The following LRFN2 variants were observed in gnomAD, a reference collection of about 807,000 sequenced individuals.
The protein encoded by LRFN2 is leucine-rich repeat and fibronectin type-III domain-containing protein 2.
Under a neutral mutation model 37.3 loss-of-function variants are expected in LRFN2, and 18 were observed. The observed-to-expected ratio is 0.48, with a 90% confidence interval of 0.33 to 0.72. The LOEUF (loss-of-function observed/expected upper bound fraction) is 0.72, where lower values mean the gene tolerates loss of function less well. Among genes scored for constraint, LRFN2 ranks in the 30% least tolerant of loss-of-function variants. The pLI, the probability that LRFN2 is intolerant of heterozygous loss-of-function variation, is 0.02. For missense variants in LRFN2, 1,006 were observed against 1,060.7 expected, an observed-to-expected ratio of 0.95 and a Z score of 0.72; for synonymous variants, 556 against 466.6, an observed-to-expected ratio of 1.19 and a Z score of -2.47.
chr6:40,421,151 T>C (rs1261296321), intron 2 of LRFN2, among the ~76,000 whole-genome samples: 2 of 152,222 alleles, frequency 1.3e-5, no homozygotes, highest in Non-Finnish European at 2.9e-5. Context: ...TTAAGAATAA[T>C]GCAATTGACC....
chr6:40,393,945 C>A (rs1437148887), intron 2 of LRFN2, among the ~76,000 whole-genome samples: 1 of 152,094 alleles, frequency 6.6e-6, no homozygotes, highest in African/African-American at 2.4e-5. Flanking sequence ...AGGGGGCCTG[C>A]TGCTTAGGGG....
At chr6:40,496,967 G>A (rs775115364) in intron 1 of LRFN2, among the ~76,000 whole-genome samples, 11 of 152,010 alleles carry the variant, frequency 7.2e-5, no homozygotes, top group Non-Finnish European at 1.5e-5. Flanking sequence ...ATAATGTAAG[G>A]GTTCTCATAC....
chr6:40,553,230 A>C (rs1561905311), intron 1 of LRFN2, among the ~76,000 whole-genome samples: 3 of 152,228 alleles, frequency 2.0e-5, no homozygotes, highest in Admixed American at 6.5e-5. Context: ...CTGACTCTTT[A>C]AGGAAACTTG....
intron 1 of LRFN2, among the ~76,000 whole-genome samples, chr6:40,564,868 C>A (rs1767061019): frequency 6.6e-6 from 1 of 152,076 alleles, no homozygotes; most frequent in Non-Finnish European, 1.5e-5. Flanking sequence ...TATCCTCCAA[C>A]CCCAAAATCC....
intron 1 of LRFN2, among the ~76,000 whole-genome samples, chr6:40,455,908 G>A (rs1292376386): frequency 2.0e-5 from 3 of 152,218 alleles, no homozygotes; most frequent in Admixed American, 6.5e-5. Flanking sequence ...TGAGCCCACA[G>A]AAGGGACTCA....
intron 1 of LRFN2, among the ~76,000 whole-genome samples, chr6:40,566,018 T>C (rs1221724805): frequency 1.3e-5 from 2 of 151,840 alleles, no homozygotes; most frequent in South Asian, 2.1e-4. Flanking sequence ...GAATCTACAA[T>C]GAACTCAAAA....
Position 40,420,685 on chromosome 6 carries a change from C to T in LRFN2, c.1400+11029G>A, listed in dbSNP as rs527666029. On this transcript the variant is annotated intron_variant, in intron 2 of 2. Transcript: ENST00000338305. ...GGAGCAACATGCGTGAACAGACAAT[C>T]GCCTTCCTCAGCCTCCAATGTGCAC... Among the ~76,000 whole-genome samples the T allele has an allele frequency of 4.6e-5, 7 of 152,372 alleles. No homozygotes were observed. The South Asian group carries it at 1.2e-3, about 27-fold the overall frequency.
At chr6:40,458,357 G>T (rs1045947322) in intron 1 of LRFN2, among the ~76,000 whole-genome samples, 1 of 152,202 alleles carries the variant, frequency 6.6e-6, no homozygotes, top group African/African-American at 2.4e-5. Flanking sequence ...AGGGAGCAGG[G>T]AGAGCTAGGC....
intron 1 of LRFN2, among the ~76,000 whole-genome samples, chr6:40,492,781 A>G (rs1330434512): frequency 1.3e-5 from 2 of 152,036 alleles, no homozygotes; most frequent in South Asian, 2.1e-4. Context: ...CATAACCAGA[A>G]CCAGTTCCGA....
At chr6:40,503,013 A>G (rs1355900501) in intron 1 of LRFN2, among the ~76,000 whole-genome samples, 2 of 152,216 alleles carry the variant, frequency 1.3e-5, no homozygotes, top group East Asian at 3.9e-4. Flanking sequence ...CCAAGACTGT[A>G]TCAGGGAGGA....
chr6:40,406,508 A>C (rs1762852076), intron 2 of LRFN2, among the ~76,000 whole-genome samples: 1 of 152,124 alleles, frequency 6.6e-6, no homozygotes, highest in Non-Finnish European at 1.5e-5. Flanking sequence ...CCATGCACAG[A>C]TCCTAGGAAC....
At chr6:40,505,595 G>A (rs527548047) in intron 1 of LRFN2, among the ~76,000 whole-genome samples, 2 of 152,318 alleles carry the variant, frequency 1.3e-5, no homozygotes, top group Admixed American at 6.5e-5. Context: ...TGGGTGGGAT[G>A]AGGAAACAGA....
intron 1 of LRFN2, among the ~76,000 whole-genome samples, chr6:40,497,488 G>A (rs543879859): frequency 2.0e-5 from 3 of 152,266 alleles, no homozygotes; most frequent in African/African-American, 7.2e-5. Context: ...TTTCCAGCAG[G>A]AGTCATATAA....
intron 1 of LRFN2, among the ~76,000 whole-genome samples, chr6:40,546,166 T>G (rs1308058193): frequency 1.3e-5 from 2 of 152,068 alleles, no homozygotes; most frequent in Non-Finnish European, 2.9e-5. Context: ...GGAATTTGCA[T>G]GACAACGCAC....
chr6:40,548,759 C>T (rs428101), intron 1 of LRFN2, among the ~76,000 whole-genome samples: 88,082 of 151,990 alleles, frequency 0.58, 25,939 homozygotes, highest in African/African-American at 0.65. Context: ...TTCTCTCTCC[C>T]TTTAGATGCT....
rs187367115 is a variant in LRFN2, at chr6:40,478,790, A to G, written c.-18-45659T>C. On this transcript the variant is annotated intron_variant, in intron 1 of 2. Coordinates refer to ENST00000338305, the MANE Select transcript of LRFN2 (RefSeq NM_020737.3). ...TGTATGCACACATGCACATATGTGT[A>G]GTGTGTGAGGCCACATTCTGAAATA... is the stretch of plus-strand genomic sequence containing the variant. Among the ~76,000 whole-genome samples the G allele has an allele frequency of 2.3e-3, 354 of 152,340 alleles. 1 individual carries two copies. Among genetic ancestry groups the G allele is most frequent in the African/African-American group, 8.0e-3 (333 of 41,582 alleles).
In LRFN2 at chr6:40,392,080, G is replaced by T; in HGVS notation, c.2233C>A (p.Pro745Thr). Reference protein sequence around the residue: ...GGVVPGGYSPPRKVSNIWTKR... With the variant: ...GGVVPGGYSPTRKVSNIWTKR... ...GTCCAGATGTTCGAGACCTTCCGAG[G>T]AGGACTGTAGCCGCCCGGCACGACC... Residue 745 changes from proline to threonine, a missense_variant, in exon 3 of 3, where the codon CCT (proline) becomes ACT (threonine). Pro to Thr is a conservative substitution (Grantham distance 38). This residue lies in a region of LRFN2 where 398 missense variants were observed against 327.6 expected (regional missense o/e 1.21). Transcript: ENST00000338305. This position sits in a 1 kb window ranked among gnomAD's most constrained non-coding sequence, Gnocchi z 4.7. 6.2e-7 allele frequency: 1 copy of T among 1,614,050 alleles called. No individual in the cohort carries two copies. Among genetic ancestry groups the T allele is most frequent in the Non-Finnish European group, 8.5e-7 (1 of 1,179,996 alleles).
chr6:40,435,046 T>G (rs1182080689), intron 1 of LRFN2, among the ~76,000 whole-genome samples: 4,069 of 80,056 alleles, frequency 0.051, 73 homozygotes, highest in East Asian at 0.11. Context: ...TATATATATA[T>G]ATATATAGAG....
chr6:40,521,320 C>T (rs1260706686), intron 1 of LRFN2, among the ~76,000 whole-genome samples: 3 of 152,126 alleles, frequency 2.0e-5, no homozygotes, highest in African/African-American at 4.8e-5. Context: ...CTGACACTCC[C>T]TTCCCAGACA....
Sources: allele counts gnomAD v4.1 joint callset (sites outside exome capture counted in the v4.1 genomes callset), GRCh38; gene constraint gnomAD v4.1.1; regional missense constraint gnomAD v4.1.1; non-coding constraint Gnocchi (gnomAD v3.1); transcripts MANE v1.5; gene names NCBI Gene and HGNC (gene_info 2026-07-23, HGNC 2026-07-21).